RGS3: variants seen among roughly 807,000 people sequenced by gnomAD.
The protein encoded by RGS3 is regulator of G protein signaling 3, also known as regulator of G-protein signalling 3.
A neutral mutation model predicts 132.6 loss-of-function variants in RGS3; 80 were observed. That is an observed-to-expected ratio of 0.60 (90% CI 0.50 to 0.73). RGS3 has a LOEUF of 0.73. RGS3 is among the 30% of genes least tolerant of loss of function. The pLI is 0.00. For synonymous variants in RGS3, 598 were observed against 620.6 expected, an observed-to-expected ratio of 0.96 and a Z score of 0.54; for missense variants, 1,382 against 1,530.8, an observed-to-expected ratio of 0.90 and a Z score of 1.62.
chr9:113,584,908 G>A (rs1016559623), intron 20 of RGS3, among the ~76,000 whole-genome samples: 2 of 152,308 alleles, frequency 1.3e-5, no homozygotes, highest in African/African-American at 4.8e-5. Context: ...CCATTTTACA[G>A]CAGAGGAAAC....
chr9:113,457,665 C>T (rs1455251964), upstream of RGS3, among the ~76,000 whole-genome samples: 2 of 152,164 alleles, frequency 1.3e-5, no homozygotes, highest in Non-Finnish European at 1.5e-5. Flanking sequence ...TTTTATTTCC[C>T]CACTGTTTAT....
chr9:113,507,653 T>G lies in RGS3; in HGVS notation c.1437+15T>G. On this transcript the variant is annotated intron_variant, in intron 13 of 24. Transcript: ENST00000350696. This position sits in a 1 kb window ranked among gnomAD's most constrained non-coding sequence, Gnocchi z 5.0. Reference sequence around the variant, plus strand: ...CTGGGAGCCAGGTACGGACAGCTGGTGTGGGGAAGGTGAAGGGTACTGGGT... The same window carrying G: ...CTGGGAGCCAGGTACGGACAGCTGGGGTGGGGAAGGTGAAGGGTACTGGGT... 1 of 1,447,650 alleles carries G rather than the reference T, an allele frequency of 6.9e-7. No homozygotes were observed. The highest frequency in any genetic ancestry group is 9.1e-7 in the Non-Finnish European group (1 of 1,095,410). 89.7% of individuals were successfully genotyped at this position (1,447,650 alleles called of 1,614,324 possible).
intron 10 of RGS3, among the ~76,000 whole-genome samples, chr9:113,499,718 G>A (rs1351658669): frequency 6.6e-6 from 1 of 152,220 alleles, no homozygotes; most frequent in African/African-American, 2.4e-5. Context: ...GAGCTGTGCT[G>A]GCCAGTGTGG....
At position 113,508,576 on chromosome 9, in the gene RGS3, C is replaced by T. The variant is rs372246875; in HGVS notation, c.1473C>T (p.Pro491=). The T allele has an allele frequency of 1.9e-4, 308 of 1,612,262 alleles. No individual in the cohort carries two copies. In the Admixed American group the frequency reaches 3.3e-3, roughly 17 times the overall value. Residue 491 remains proline (P), a synonymous_variant, in exon 14 of 25, where the codon CCC becomes CCT. Transcript: ENST00000350696. ...CTGTGTACCAGGAGGATACCATCCC[C>T]GAAGGTGAGTCTCCTGCTGCTGCTG...
At chr9:113,467,865 C>T (rs1829699984) in intron 3 of RGS3, among the ~76,000 whole-genome samples, 1 of 152,100 alleles carries the variant, frequency 6.6e-6, no homozygotes, top group Admixed American at 6.6e-5. Flanking sequence ...CAGATGTGCA[C>T]CACCATGCCT....
intron 3 of RGS3, among the ~76,000 whole-genome samples, chr9:113,477,507 T>G (rs1030259943): frequency 1.3e-5 from 2 of 152,298 alleles, no homozygotes; most frequent in South Asian, 4.1e-4. Context: ...TCTCCAAACC[T>G]GTTCTCTAAC....
At chr9:113,595,394 TAG>T in intron 23 of RGS3, 2 of 586,872 alleles carry the variant, frequency 3.4e-6, no homozygotes, top group Non-Finnish European at 6.0e-6. Flanking sequence ...CACTGAGGCA[TAG>T]AGAGGGGGAG....
chr9:113,573,698 G>C (rs1441579607), intron 19 of RGS3, among the ~76,000 whole-genome samples: 2 of 152,180 alleles, frequency 1.3e-5, no homozygotes, highest in African/African-American at 4.8e-5. Context: ...GGGTCACTGG[G>C]TGTACAGAAT....
upstream of RGS3, among the ~76,000 whole-genome samples, chr9:113,456,628 C>T (rs575179898): frequency 2.6e-5 from 4 of 151,880 alleles, no homozygotes; most frequent in South Asian, 6.2e-4. Context: ...GTCATGCAAA[C>T]GCCTCCACCC....
chr9:113,549,448 TG>T (rs1449545403), intron 19 of RGS3, among the ~76,000 whole-genome samples: 1 of 151,918 alleles, frequency 6.6e-6, no homozygotes, highest in Non-Finnish European at 1.5e-5. Context: ...TTTGTTTGTT[TG>T]TTTGTTTGAA....
chr9:113,507,405 C>A lies in RGS3; in HGVS notation c.1204C>A (p.Pro402Thr), dbSNP rs1237283991. Reference sequence around the variant, plus strand: ...CAAGTCGACACATGACCTCCAGTCACCCCCCAACAAACGGGAGAAGAACTG... The same window carrying A: ...CAAGTCGACACATGACCTCCAGTCAACCCCCAACAAACGGGAGAAGAACTG... The change falls in exon 13 of 25, where the codon CCC becomes ACC. Residue 402 changes from proline to threonine, a missense_variant. Coordinates refer to ENST00000350696, the Ensembl canonical transcript of RGS3. This position sits in a 1 kb window ranked among gnomAD's most constrained non-coding sequence, Gnocchi z 5.0. 1.1e-5 allele frequency: 18 copies of A among 1,613,548 alleles called. No homozygotes were observed. The highest frequency in any genetic ancestry group is 1.4e-5 in the Non-Finnish European group (17 of 1,179,964).
intron 19 of RGS3, chr9:113,541,666 T>C: frequency 8.8e-7 from 1 of 1,138,486 alleles, no homozygotes; most frequent in South Asian, 3.1e-5. Flanking sequence ...AGGAGAGGAC[T>C]CAGAGGCTTC....
chr9:113,496,198 T>C (rs1830678546), intron 8 of RGS3, among the ~76,000 whole-genome samples: 1 of 152,172 alleles, frequency 6.6e-6, no homozygotes, highest in Non-Finnish European at 1.5e-5. Context: ...GCACCCGTGG[T>C]CCGTTCCAGG....
chr9:113,485,784 G>A, intron 7 of RGS3, 91 bp downstream of exon 5: 2 of 875,832 alleles, frequency 2.3e-6, no homozygotes, highest in Non-Finnish European at 3.7e-6. Context: ...TTCGATTAGT[G>A]CTTTCTGGAT....
At chr9:113,522,382 T>A (rs1831998168) in intron 16 of RGS3, 1 of 152,488 alleles carries the variant, frequency 6.6e-6, no homozygotes, top group Non-Finnish European at 1.5e-5. Flanking sequence ...GTTTGGGCTG[T>A]TGAGAAAACT....
Position 113,565,392 on chromosome 9 carries a change from G to C in RGS3, c.2038-18058G>C, listed in dbSNP as rs769972286. The stretch of plus-strand genomic sequence containing the variant: ...GTTTGGGAAAGGCGCTGGAGGAGGA[G>C]GAAGAGGAGGAGGACAAGTAGGAGG... On this transcript the variant is annotated intron_variant, in intron 19 of 24. Coordinates refer to ENST00000350696, the Ensembl canonical transcript of RGS3. This position sits in a 1 kb window ranked among gnomAD's most constrained non-coding sequence, Gnocchi z 5.7. The C allele has an allele frequency of 1.9e-5, 25 of 1,288,840 alleles. No homozygotes were observed. The South Asian group carries it at 3.1e-4, about 16-fold the overall frequency. The allele number at this position is 1,288,840 out of a possible 1,614,324, so 79.8% of individuals were successfully genotyped here. A position where few individuals can be genotyped will look rare whatever the true frequency, so the allele number is the denominator to read the frequency against.
At chr9:113,471,240 A>G (rs572470515) in intron 3 of RGS3, among the ~76,000 whole-genome samples, 10 of 152,124 alleles carry the variant, frequency 6.6e-5, no homozygotes, top group Admixed American at 1.3e-4. Flanking sequence ...GGGGCTCAGA[A>G]GAACCCTGCT....
chr9:113,473,179 G>A (rs899634730), intron 3 of RGS3, among the ~76,000 whole-genome samples: 3 of 152,118 alleles, frequency 2.0e-5, no homozygotes, highest in African/African-American at 7.2e-5. Context: ...CATTCTATTT[G>A]TTAGAAGCAA....
At chr9:113,460,341 A>G (rs1168412032) in intron 1 of RGS3, 1 of 300,310 alleles carries the variant, frequency 3.3e-6, no homozygotes, top group Non-Finnish European at 6.2e-6. Flanking sequence ...TAACAGGTAA[A>G]ACCCCGTCTC....
Sources: allele counts gnomAD v4.1 joint callset (sites outside exome capture counted in the v4.1 genomes callset), GRCh38; gene constraint gnomAD v4.1.1; non-coding constraint Gnocchi (gnomAD v3.1); transcripts MANE v1.5; gene names NCBI Gene and HGNC (gene_info 2026-07-23, HGNC 2026-07-21).